TSPEAR: variants seen among roughly 807,000 people sequenced by gnomAD.
TSPEAR encodes thrombospondin-type laminin G domain and EAR repeat-containing protein.
A neutral mutation model predicts 71.6 loss-of-function variants in TSPEAR; 69 were observed. That is an observed-to-expected ratio of 0.96 (90% CI 0.79 to 1.18). TSPEAR has a LOEUF of 1.18. Ranked by LOEUF, TSPEAR falls within the 50% of genes most tolerant of loss-of-function variation. The pLI is 0.00. For synonymous variants in TSPEAR, 402 were observed against 387.2 expected, an observed-to-expected ratio of 1.04 and a Z score of -0.45; for missense variants, 971 against 894.9, an observed-to-expected ratio of 1.09 and a Z score of -1.09.
At chr21:44,698,939 G>T (rs1231653251) in intron 1 of TSPEAR, among the ~76,000 whole-genome samples, 1 of 152,194 alleles carries the variant, frequency 6.6e-6, no homozygotes, top group Non-Finnish European at 1.5e-5. Flanking sequence ...TGTGGCTCAG[G>T]CCTGCAGTCC....
At chr21:44,588,674 A>ATT (rs1979506134) in intron 1 of TSPEAR, among the ~76,000 whole-genome samples, 1 of 122,960 alleles carries the variant, frequency 8.1e-6, no homozygotes, top group African/African-American at 3.1e-5. Flanking sequence ...TATATATATA[A>ATT]TATATATATA....
At chr21:44,615,552 T>G (rs1214851448) in intron 1 of TSPEAR, among the ~76,000 whole-genome samples, 11 of 147,936 alleles carry the variant, frequency 7.4e-5, no homozygotes, top group African/African-American at 2.9e-4. Context: ...ACCAAAGGTT[T>G]TTTTTTTTTT....
At chr21:44,553,300 T>G (rs2053475804) in intron 2 of TSPEAR, among the ~76,000 whole-genome samples, 1 of 152,196 alleles carries the variant, frequency 6.6e-6, no homozygotes, top group Admixed American at 6.5e-5. Context: ...CCAGCCGGTC[T>G]GTACATAGGA....
intron 1 of TSPEAR, among the ~76,000 whole-genome samples, chr21:44,640,876 A>G (rs1192637812): frequency 6.6e-6 from 1 of 152,096 alleles, no homozygotes. Context: ...TCGAGTTCTG[A>G]AGAAGAGCCA....
chr21:44,504,234 C>G (rs2052132760), intron 11 of TSPEAR, among the ~76,000 whole-genome samples: 1 of 129,192 alleles, frequency 7.7e-6, no homozygotes, highest in Non-Finnish European at 1.6e-5. Flanking sequence ...CCTCGGTGAG[C>G]CCTCGGGGGG....
At chr21:44,558,064 T>C (rs1387887695) in intron 2 of TSPEAR, 1 of 1,608,068 alleles carries the variant, frequency 6.2e-7, no homozygotes, top group Non-Finnish European at 8.5e-7. Context: ...CAGCTGGACT[T>C]CTGGCCTGAG....
chr21:44,630,972 T>C (rs1393000998), intron 1 of TSPEAR, among the ~76,000 whole-genome samples: 1 of 152,048 alleles, frequency 6.6e-6, no homozygotes, highest in Non-Finnish European at 1.5e-5. Context: ...AGAGGGAGAA[T>C]GTGCCATCCA....
intron 1 of TSPEAR, chr21:44,675,871 C>T: frequency 2.9e-6 from 2 of 697,522 alleles, no homozygotes; most frequent in African/African-American, 3.5e-5. Flanking sequence ...CTAGACCTTA[C>T]TCTGGCTGTA....
chr21:44,555,923 T>C (rs1306834816), intron 2 of TSPEAR, among the ~76,000 whole-genome samples: 2 of 152,216 alleles, frequency 1.3e-5, no homozygotes, highest in Non-Finnish European at 2.9e-5. Context: ...CAACTGTGTA[T>C]TGCATTTGCA....
intron 1 of TSPEAR, among the ~76,000 whole-genome samples, chr21:44,701,400 G>A (rs1487784755): frequency 2.6e-5 from 4 of 152,184 alleles, no homozygotes; most frequent in Non-Finnish European, 5.9e-5. Flanking sequence ...ACTTTTCCAC[G>A]GACTGGGGAG....
In TSPEAR at chr21:44,711,198, G is replaced by C. The variant is rs1038193775; in HGVS notation, c.82+235C>G. Among the ~76,000 whole-genome samples the C allele has an allele frequency of 6.6e-6, 1 of 152,180 alleles. No homozygotes were observed. The highest frequency in any genetic ancestry group is 2.4e-5 in the African/African-American group (1 of 41,438). On this transcript the variant is annotated intron_variant, in intron 1 of 11. Coordinates refer to ENST00000323084, the MANE Select transcript of TSPEAR (RefSeq NM_144991.3). The surrounding 1 kb of genome is among the most constrained non-coding windows in gnomAD (Gnocchi z 4.5). ...CTCTTGAAGCTCGTCCCCACCCTGCGTGCGTTCTAAAGAGCCGCGTTTCTA... is the reference window on the plus strand; with the variant it reads ...CTCTTGAAGCTCGTCCCCACCCTGCCTGCGTTCTAAAGAGCCGCGTTTCTA...
At position 44,574,230 on chromosome 21, in the gene TSPEAR, C is replaced by G. The variant is rs782378314; in HGVS notation, c.83-6225G>C. On this transcript the variant is annotated intron_variant, in intron 1 of 11. Transcript: ENST00000323084. Reference sequence around the variant, plus strand: ...CCCCTGCCAGCAGGCCTGCTGTGTGCCCATCTGCTGCAAGCCTGTCTGCTC... The same window carrying G: ...CCCCTGCCAGCAGGCCTGCTGTGTGGCCATCTGCTGCAAGCCTGTCTGCTC... 17 of 1,604,006 alleles carry G rather than the reference C, an allele frequency of 1.1e-5. No individual in the cohort carries two copies. The South Asian group carries it at 1.7e-4, about 16-fold the overall frequency.
chr21:44,528,363 G>C, intron 6 of TSPEAR, 89 bp downstream of exon 6: 1 of 1,557,040 alleles, frequency 6.4e-7, no homozygotes, highest in East Asian at 2.3e-5. Flanking sequence ...AGAGGTGGCT[G>C]AGGTGCCCCC....
At chr21:44,600,537 A>G in intron 1 of TSPEAR, 1 of 1,467,986 alleles carries the variant, frequency 6.8e-7, no homozygotes, top group Non-Finnish European at 9.2e-7. Flanking sequence ...AAAAGCCAAC[A>G]TCCCTGAGCA....
chr21:44,613,103 C>T (rs1194682267), intron 1 of TSPEAR: 106 of 660,292 alleles, frequency 1.6e-4, no homozygotes, highest in Non-Finnish European at 4.1e-5. Flanking sequence ...GCTGGGTCCC[C>T]TGTCCTCCCT....
At chr21:44,689,434 G>A (rs1050892640) in intron 1 of TSPEAR, among the ~76,000 whole-genome samples, 3 of 151,252 alleles carry the variant, frequency 2.0e-5, no homozygotes, top group Admixed American at 6.6e-5. Context: ...CCTGGGAGGC[G>A]GAGCTTGCAG....
chr21:44,684,399 C>T (rs1770063690), intron 1 of TSPEAR, among the ~76,000 whole-genome samples: 1 of 152,032 alleles, frequency 6.6e-6, no homozygotes. Context: ...CTAGGGGTGG[C>T]GGTGTGCACC....
rs587609024 is a variant in TSPEAR at position 44,513,737 on chromosome 21, A to G, written c.1567-4351T>C. Among the ~76,000 whole-genome samples the G allele has an allele frequency of 2.6e-4, 39 of 152,274 alleles. No individual in the cohort carries two copies. In the South Asian group the frequency reaches 7.3e-3, roughly 28 times the overall value. On this transcript the variant is annotated intron_variant, in intron 9 of 11. Transcript: ENST00000323084. ...GTTCCGGCTTTGATAGGGCAAAGAA[A>G]GAGGATGCCTCTGTGGTCTGGGAAT...
At chr21:44,602,033 T>G (rs1234670521) in intron 1 of TSPEAR, 2 of 506,320 alleles carry the variant, frequency 4.0e-6, no homozygotes, top group East Asian at 3.4e-5. Flanking sequence ...GGTAGACAGG[T>G]ACCAACTGGG....
Sources: allele counts gnomAD v4.1 joint callset (sites outside exome capture counted in the v4.1 genomes callset), GRCh38; gene constraint gnomAD v4.1.1; non-coding constraint Gnocchi (gnomAD v3.1); transcripts MANE v1.5; gene names NCBI Gene and HGNC (gene_info 2026-07-23, HGNC 2026-07-21).